The following SUSD4 variants were observed in gnomAD, a reference collection of about 807,000 sequenced individuals.
SUSD4 encodes sushi domain-containing protein 4.
SUSD4 carries 41 observed loss-of-function variants against 50.5 expected under a neutral mutation model. The observed-to-expected ratio is 0.81, with a 90% CI of 0.63 to 1.05. SUSD4 has a LOEUF of 1.05. SUSD4 is among the 50% of genes least tolerant of loss of function. The pLI, the probability that SUSD4 is intolerant of heterozygous loss-of-function variation, is 0.00. For missense variants in SUSD4, 580 were observed against 634.7 expected (o/e 0.91, Z 0.93); for synonymous variants, 257 against 257.3 (o/e 1.00, Z 0.01).
At position 223,285,598 on chromosome 1, in the gene SUSD4, C is replaced by T. The variant is rs534186968; in HGVS notation, c.361+6841G>A. Among the ~76,000 whole-genome samples, 18 of 152,238 alleles carry T rather than the reference C, an allele frequency of 1.2e-4. No individual in the cohort carries two copies. The Middle Eastern group carries it at 0.01, about 86-fold the overall frequency. On this transcript the variant is annotated intron_variant, in intron 3 of 8. Coordinates refer to ENST00000366878, the MANE Select transcript of SUSD4 (RefSeq NM_017982.4). ...ATGATTAACAATGGAACCCAAATGT[C>T]AGCAAAAGCAGTAAAAGGCCAGAAA...
In SUSD4 at chr1:223,332,233, G is replaced by C. The variant is rs1558257948; in HGVS notation, c.148+31045C>G. On this transcript the variant is annotated intron_variant, in intron 2 of 8. Coordinates refer to ENST00000366878, the MANE Select transcript of SUSD4 (RefSeq NM_017982.4). This position sits in a 1 kb window ranked among gnomAD's most constrained non-coding sequence, Gnocchi z 4.0. ...TAAGATGTGGTTCATAAAATATTTG[G>C]AGGGTGCTAGTAGGAAGCATGGCTA... 1.3e-5 allele frequency among the ~76,000 whole-genome samples: 2 copies of C among 152,216 alleles called. No homozygotes were observed. Among genetic ancestry groups the C allele is most frequent in the African/African-American group, 2.4e-5 (1 of 41,456 alleles).
intron 2 of SUSD4, among the ~76,000 whole-genome samples, chr1:223,337,427 A>G (rs1455893621): frequency 6.6e-6 from 1 of 152,240 alleles, no homozygotes; most frequent in Non-Finnish European, 1.5e-5. Context: ...TGAGTGGATG[A>G]AACCTCAGAT....
At chr1:223,262,309 C>A (rs1662179961) in intron 5 of SUSD4, among the ~76,000 whole-genome samples, 1 of 152,116 alleles carries the variant, frequency 6.6e-6, no homozygotes, top group Admixed American at 6.5e-5. Flanking sequence ...CCCCTTAGAG[C>A]ATCATAATTC....
intron 2 of SUSD4, among the ~76,000 whole-genome samples, chr1:223,296,263 A>G (rs1189799523): frequency 1.3e-5 from 2 of 152,266 alleles, no homozygotes; most frequent in South Asian, 2.1e-4. Context: ...GGGGAGTGAT[A>G]GTGGGAGTGA....
chr1:223,339,470 G>A (rs968734999), intron 2 of SUSD4, among the ~76,000 whole-genome samples: 2 of 152,112 alleles, frequency 1.3e-5, no homozygotes, highest in Non-Finnish European at 2.9e-5. Context: ...GGTGGGACAG[G>A]ACAGAGGGAC....
chr1:223,363,631 G>T, intron 1 of SUSD4, 171 bp from the exon 2 acceptor site: 1 of 744,946 alleles, frequency 1.3e-6, no homozygotes, highest in Non-Finnish European at 2.1e-6. Context: ...GCCTTCCCCC[G>T]AGCCGGGTGC....
intron 5 of SUSD4, among the ~76,000 whole-genome samples, chr1:223,251,690 G>A (rs1571886467): frequency 6.6e-6 from 1 of 152,138 alleles, no homozygotes; most frequent in Admixed American, 6.5e-5. Context: ...ATTTGCTATT[G>A]TGAGTAGTGC....
At chr1:223,226,210 A>G (rs1029090899) in intron 7 of SUSD4, among the ~76,000 whole-genome samples, 1 of 152,196 alleles carries the variant, frequency 6.6e-6, no homozygotes, top group Non-Finnish European at 1.5e-5. Flanking sequence ...GTAATTGCTC[A>G]ATGATAGAAC....
upstream of SUSD4, among the ~76,000 whole-genome samples, chr1:223,364,385 G>C (rs948889950): frequency 5.3e-4 from 78 of 147,658 alleles, no homozygotes; most frequent in African/African-American, 1.8e-3. The surrounding 1 kb of genome is among the most constrained non-coding windows in gnomAD (Gnocchi z 4.5). Context: ...GGCGGGGACG[G>C]GGCGAGGGGT....
intron 2 of SUSD4, among the ~76,000 whole-genome samples, chr1:223,317,628 G>C (rs1666280260): frequency 6.6e-6 from 1 of 152,124 alleles, no homozygotes; most frequent in Non-Finnish European, 1.5e-5. Flanking sequence ...ATTGCATTTA[G>C]TCTTTCAGAA....
chr1:223,323,150 G>A (rs183697644), intron 2 of SUSD4, among the ~76,000 whole-genome samples: 14 of 152,008 alleles, frequency 9.2e-5, no homozygotes, highest in African/African-American at 2.2e-4. Flanking sequence ...TCACAATGAC[G>A]GAGGGTGAAG....
At position 223,314,420 on chromosome 1, in the gene SUSD4, T is replaced by C. The variant is rs1190490267; in HGVS notation, c.149-21769A>G. On this transcript the variant is annotated intron_variant, in intron 2 of 8. Transcript: ENST00000366878. ...TCTAAGACTCAGGGTAGGATGCTCGTTGGTGAGCAGTGATGATGCCATGAC... is the reference window on the plus strand; with the variant it reads ...TCTAAGACTCAGGGTAGGATGCTCGCTGGTGAGCAGTGATGATGCCATGAC... Among the ~76,000 whole-genome samples, 4 of 152,094 alleles carry C rather than the reference T, an allele frequency of 2.6e-5. No individual in the cohort carries two copies. In the East Asian group the frequency reaches 7.7e-4, roughly 29 times the overall value.
At chr1:223,280,722 C>T (rs190758834) in intron 3 of SUSD4, among the ~76,000 whole-genome samples, 56 of 152,182 alleles carry the variant, frequency 3.7e-4, no homozygotes, top group Admixed American at 1.6e-3. Flanking sequence ...GAACTCAGCT[C>T]TGTACCAAGG....
At chr1:223,303,606 C>T (rs543391502) in intron 2 of SUSD4, among the ~76,000 whole-genome samples, 73 of 152,256 alleles carry the variant, frequency 4.8e-4, no homozygotes, top group African/African-American at 1.7e-3. Flanking sequence ...CCAGGTGGAT[C>T]GGCAGGTCGA....
chr1:223,359,424 C>T (rs957367537), intron 2 of SUSD4, among the ~76,000 whole-genome samples: 33 of 152,330 alleles, frequency 2.2e-4, no homozygotes, highest in Non-Finnish European at 3.8e-4. Flanking sequence ...TCCCCACCAT[C>T]CTATCCTAAG....
At chr1:223,303,035 C>G (rs1192051135) in intron 2 of SUSD4, among the ~76,000 whole-genome samples, 2 of 152,122 alleles carry the variant, frequency 1.3e-5, no homozygotes, top group Non-Finnish European at 2.9e-5. Flanking sequence ...ATAGTCCTAG[C>G]TACTCAGGAG....
rs370115906 is a variant in SUSD4, at chr1:223,229,276, G to A, written c.837C>T (p.Ser279=). 1.9e-5 allele frequency: 30 copies of A among 1,613,224 alleles called. No homozygotes were observed. Among genetic ancestry groups the A allele is most frequent in the Non-Finnish European group, 2.5e-5 (29 of 1,179,402 alleles). ...VVEFYCDPGY[S]LTSDYKYITC... is the part of the protein sequence containing the mutation. ...TGATGTACTTGTAGTCGCTGGTGAG[G>A]CTGTAGCCAGGATCGCAGTAAAACT... is the stretch of plus-strand genomic sequence containing the variant. Residue 279 remains serine, a synonymous_variant, in exon 6 of 9, where the codon AGC becomes AGT. Transcript: ENST00000366878. This position sits in a 1 kb window ranked among gnomAD's most constrained non-coding sequence, Gnocchi z 4.7.
At position 223,231,295 on chromosome 1, in the gene SUSD4, G is replaced by T. The variant is rs1245909718; in HGVS notation, c.725-1907C>A. Among the ~76,000 whole-genome samples the T allele has an allele frequency of 1.3e-5, 2 of 152,150 alleles. No homozygotes were observed. Among genetic ancestry groups the T allele is most frequent in the African/African-American group, 2.4e-5 (1 of 41,428 alleles). On this transcript the variant is annotated intron_variant, in intron 5 of 8. Transcript: ENST00000366878. This position sits in a 1 kb window ranked among gnomAD's most constrained non-coding sequence, Gnocchi z 4.2. ...GGGTCTGGGAAACAGGGTCTGCGGT[G>T]GACAGCCTGTCTAGATCTGGTGCAG...
chr1:223,299,933 A>G (rs535712173), intron 2 of SUSD4, among the ~76,000 whole-genome samples: 86 of 152,246 alleles, frequency 5.6e-4, no homozygotes, highest in African/African-American at 2.0e-3. Flanking sequence ...ATACCTATCT[A>G]TCTGTCCTCC....
Sources: allele counts gnomAD v4.1 joint callset (sites outside exome capture counted in the v4.1 genomes callset), GRCh38; gene constraint gnomAD v4.1.1; non-coding constraint Gnocchi (gnomAD v3.1); transcripts MANE v1.5; gene names NCBI Gene and HGNC (gene_info 2026-07-23, HGNC 2026-07-21).